Variants in FAM200B observed in about 807,000 individuals in gnomAD.
FAM200B encodes zinc finger BED-type containing 11.
Under a neutral mutation model 33.1 loss-of-function variants are expected in FAM200B, and 32 were observed. That is an observed-to-expected ratio of 0.97 (90% CI 0.73 to 1.30). The LOEUF is 1.30. FAM200B is among the 50% of genes most tolerant of loss of function. The pLI is 0.00. For missense variants in FAM200B, 741 were observed against 754.0 expected, an observed-to-expected ratio of 0.98 and a Z score of 0.20; for synonymous variants, 240 against 264.8, an observed-to-expected ratio of 0.91 and a Z score of 0.91.
At position 15,687,657 on chromosome 4, in the gene FAM200B, T is replaced by C; in HGVS notation, c.680T>C (p.Ile227Thr). The change falls in exon 2 of 2, where the codon ATC (isoleucine) becomes ACC (threonine). Residue 227 changes from isoleucine (I) to threonine (T), a missense_variant. By Grantham distance (89) the Ile-to-Thr change is moderately conservative (BLOSUM62 -1). Transcript: ENST00000422728. ...TTACAGTCTGGTATAGATTTTGCAA[T>C]CCAGCTTGATGAAAGCACTGATATT... ...TRLQSGIDFA[I>T]QLDESTDIGS... 1 of 1,551,276 alleles carries C rather than the reference T, an allele frequency of 6.4e-7. No homozygotes were observed. Among genetic ancestry groups the C allele is most frequent in the Non-Finnish European group, 8.7e-7 (1 of 1,146,754 alleles).
rs1560263823 is a variant in FAM200B at position 15,687,386 on chromosome 4, AG to A, written c.410del (p.Ser137IlefsTer16). On this transcript the variant is annotated frameshift_variant, in exon 2 of 2. Transcript: ENST00000422728. LOFTEE classifies it high-confidence loss of function. Reference sequence around the variant, plus strand: ...CATAAAGTTATCAACACAATTTCTTAGTTGTTCTACTGCTGTTAGTGAGAAA... The same window carrying A: ...CATAAAGTTATCAACACAATTTCTTATTGTTCTACTGCTGTTAGTGAGAAA... ...KDIKLSTQFL[S>X]CSTAVSEKAL... 1 of 1,547,004 alleles carries A rather than the reference AG, an allele frequency of 6.5e-7. No homozygotes were observed. The highest frequency in any genetic ancestry group is 2.0e-5 in the Admixed American group (1 of 50,644).
the FAM200B span, among the ~76,000 whole-genome samples, chr4:15,660,763 C>G: frequency 6.6e-6 from 1 of 152,188 alleles, no homozygotes; most frequent in East Asian, 1.9e-4. Context: ...AAATCTGTCA[C>G]CAGTCATCCA....
the FAM200B span, among the ~76,000 whole-genome samples, chr4:15,663,335 T>C: frequency 2.0e-5 from 3 of 152,204 alleles, no homozygotes; most frequent in Non-Finnish European, 2.9e-5. Flanking sequence ...CACCTAACAC[T>C]GTATGAAATA....
rs1429898762 is a variant in FAM200B at position 15,687,380 on chromosome 4, T to C, written c.403T>C (p.Phe135Leu). 7.8e-6 allele frequency: 12 copies of C among 1,546,954 alleles called. No individual in the cohort carries two copies. Among genetic ancestry groups the C allele is most frequent in the Admixed American group, 2.0e-5 (1 of 50,622 alleles). Reference protein sequence around the residue: ...KKKDIKLSTQFLSCSTAVSEK... With the variant: ...KKKDIKLSTQLLSCSTAVSEK... ...AAAAGACATAAAGTTATCAACACAA[T>C]TTCTTAGTTGTTCTACTGCTGTTAG... Residue 135 changes from phenylalanine to leucine, a missense_variant, in exon 2 of 2, where the codon TTT becomes CTT. Transcript: ENST00000422728.
At chr4:15,656,464 T>C in the FAM200B span, 3 of 352,922 alleles carry the variant, frequency 8.5e-6, no homozygotes, top group Non-Finnish European at 1.7e-5. Context: ...TTCACCCTTG[T>C]TCTCTATTAT....
chr4:15,652,371 C>T, the FAM200B span, among the ~76,000 whole-genome samples: 1 of 152,108 alleles, frequency 6.6e-6, no homozygotes, highest in African/African-American at 2.4e-5. Flanking sequence ...GCTTATGTAA[C>T]CTTGGCCTAG....
the FAM200B span, among the ~76,000 whole-genome samples, chr4:15,658,579 T>C: frequency 2.9e-4 from 44 of 152,268 alleles, no homozygotes; most frequent in East Asian, 8.5e-3. Flanking sequence ...TCCCTCGCCA[T>C]GTGATGTCCT....
upstream of FAM200B, among the ~76,000 whole-genome samples, chr4:15,676,702 G>C (rs558533228): frequency 9.9e-5 from 15 of 151,912 alleles, no homozygotes; most frequent in African/African-American, 3.4e-4. Flanking sequence ...CGGGGGGGAG[G>C]GGGAGGACTT....
chr4:15,662,218 G>A, the FAM200B span, among the ~76,000 whole-genome samples: 32 of 152,272 alleles, frequency 2.1e-4, no homozygotes, highest in African/African-American at 6.7e-4. Context: ...CTGGCTAAAC[G>A]TGGTCCAGAA....
At chr4:15,664,255 C>G in the FAM200B span, among the ~76,000 whole-genome samples, 1 of 152,110 alleles carries the variant, frequency 6.6e-6, no homozygotes, top group Non-Finnish European at 1.5e-5. Context: ...TAATACAGAC[C>G]TAGTATGGGC....
In FAM200B at chr4:15,688,947, C is replaced by G; in HGVS notation, c.1970C>G (p.Ser657Ter). The change falls in exon 2 of 2, where the codon TCA (serine) becomes TGA (stop). Residue 657 changes from serine to a stop codon, truncating the protein, a stop_gained. Coordinates refer to ENST00000422728, the MANE Select transcript of FAM200B (RefSeq NM_001145191.2). LOFTEE classifies it high-confidence loss of function. ...NELMNRQAHPS is the reference protein window; with the variant it reads ...NELMNRQAHP ...CTTATGAACAGGCAAGCACACCCAT[C>G]ATAGTAAATAAAAATCTTACCTAGC... 6.9e-7 allele frequency: 1 copy of G among 1,442,544 alleles called. No individual in the cohort carries two copies. Among genetic ancestry groups the G allele is most frequent in the African/African-American group, 1.4e-5 (1 of 69,620 alleles). 89.4% of individuals were successfully genotyped at this position (1,442,544 alleles called of 1,614,324 possible). A position where few individuals can be genotyped will look rare whatever the true frequency, so the allele number is the denominator to read the frequency against.
At chr4:15,654,412 T>C in the FAM200B span, among the ~76,000 whole-genome samples, 13 of 152,230 alleles carry the variant, frequency 8.5e-5, no homozygotes, top group East Asian at 1.2e-3. Flanking sequence ...CTTCAGCTTA[T>C]GCTGCACCAA....
chr4:15,640,832 C>G, the FAM200B span: 1 of 1,568,408 alleles, frequency 6.4e-7, no homozygotes, highest in Non-Finnish European at 8.6e-7. Context: ...CTTGTAAAAG[C>G]CTCCAATCTC....
chr4:15,685,416 A>C (rs940970176), intron 1 of FAM200B, among the ~76,000 whole-genome samples: 4 of 152,196 alleles, frequency 2.6e-5, no homozygotes, highest in Non-Finnish European at 5.9e-5. Flanking sequence ...CAGGTTTAAA[A>C]TTGGCTAGTT....
chr4:15,677,889 G>A (rs1718053795), upstream of FAM200B, among the ~76,000 whole-genome samples: 1 of 151,984 alleles, frequency 6.6e-6, no homozygotes, highest in African/African-American at 2.4e-5. Context: ...CCTGAGACTT[G>A]TGGCTGGCAT....
the FAM200B span, among the ~76,000 whole-genome samples, chr4:15,639,700 TATTA>T: frequency 2.0e-5 from 3 of 152,358 alleles, no homozygotes; most frequent in Non-Finnish European, 1.5e-5. Flanking sequence ...ACTGGCTGTA[TATTA>T]CAATGAGTTG....
the FAM200B span, chr4:15,655,520 C>A: frequency 2.4e-5 from 8 of 335,966 alleles, no homozygotes; most frequent in South Asian, 1.2e-4. Context: ...CTCCCGCCCC[C>A]ACTCTTTTCG....
chr4:15,655,966 G>C, the FAM200B span, among the ~76,000 whole-genome samples: 2 of 152,218 alleles, frequency 1.3e-5, no homozygotes, highest in East Asian at 3.9e-4. Flanking sequence ...CAGCGGGCGC[G>C]GGGCCTGGGT....
chr4:15,651,074 AC>A, the FAM200B span, among the ~76,000 whole-genome samples: 3 of 152,228 alleles, frequency 2.0e-5, no homozygotes, highest in Non-Finnish European at 4.4e-5. Context: ...TAACAAAAAC[AC>A]ATATATTATT....
Sources: gnomAD v4.1 joint callset for allele counts (sites outside exome capture counted in the v4.1 genomes callset) on GRCh38, gnomAD v4.1.1 for gene constraint, MANE v1.5 for transcripts, NCBI Gene and HGNC (gene_info 2026-07-23, HGNC 2026-07-21) for gene names.